Variants in CPQ observed in about 807,000 individuals in gnomAD.
The protein encoded by CPQ is carboxypeptidase Q, also known as Ser-Met dipeptidase.
In CPQ, 37 loss-of-function variants were observed where a neutral mutation model predicts 45.7. The ratio of observed to expected loss-of-function variants is 0.81; its 90% CI spans 0.62 to 1.07. The LOEUF is 1.07. Among genes scored for constraint, CPQ ranks in the 50% least tolerant of loss-of-function variants. The probability of loss-of-function intolerance (pLI) is 0.00; values close to 1 mark genes in which losing one functional copy is unlikely to be tolerated. For missense variants in CPQ, 537 were observed against 572.9 expected (o/e 0.94, Z 0.64); for synonymous variants, 186 against 205.8 (o/e 0.90, Z 0.82).
intron 7 of CPQ, among the ~76,000 whole-genome samples, chr8:97,139,223 C>A (rs1812114401): frequency 6.6e-6 from 1 of 151,866 alleles, no homozygotes; most frequent in Non-Finnish European, 1.5e-5. Flanking sequence ...ATTTGTATAC[C>A]CCTAACAGCA....
chr8:96,904,989 C>T (rs182627759), intron 4 of CPQ, among the ~76,000 whole-genome samples: 1 of 152,080 alleles, frequency 6.6e-6, no homozygotes, highest in East Asian at 1.9e-4. Flanking sequence ...AGACAGTAGC[C>T]CTGTATTAGT....
At chr8:97,023,788 C>G (rs1369805810) in intron 5 of CPQ, among the ~76,000 whole-genome samples, 3 of 152,200 alleles carry the variant, frequency 2.0e-5, no homozygotes, top group Non-Finnish European at 4.4e-5. Flanking sequence ...CTATTATCTC[C>G]TCTTGAGATC....
At chr8:96,794,086 C>G (rs968517467) in intron 2 of CPQ, among the ~76,000 whole-genome samples, 2 of 152,200 alleles carry the variant, frequency 1.3e-5, no homozygotes, top group Non-Finnish European at 2.9e-5. Flanking sequence ...CCTCTTCTCA[C>G]AGCTCCACTA....
chr8:97,132,361 C>CCAAA (rs1342654105), intron 7 of CPQ, among the ~76,000 whole-genome samples: 2 of 152,184 alleles, frequency 1.3e-5, no homozygotes, highest in Admixed American at 1.3e-4. Flanking sequence ...AGCACTCCTG[C>CCAAA]CAAACAGTCC....
intron 7 of CPQ, among the ~76,000 whole-genome samples, chr8:97,140,436 C>T (rs1812139846): frequency 6.6e-6 from 1 of 151,728 alleles, no homozygotes; most frequent in African/African-American, 2.4e-5. Flanking sequence ...GAGCCACAAA[C>T]AGAAAATGTA....
intron 2 of CPQ, among the ~76,000 whole-genome samples, chr8:96,791,937 C>G (rs1810851516): frequency 6.6e-6 from 1 of 152,170 alleles, no homozygotes. Flanking sequence ...TTATGAGACT[C>G]CATAAGGGAT....
At chr8:96,827,212 A>T (rs1811391647) in intron 2 of CPQ, among the ~76,000 whole-genome samples, 1 of 152,052 alleles carries the variant, frequency 6.6e-6, no homozygotes, top group Non-Finnish European at 1.5e-5. Context: ...CATATGTCAT[A>T]GGTCTGTTTT....
Position 96,784,857 on chromosome 8 carries a change from T to A in CPQ, c.-34-7T>A. 6.5e-7 allele frequency: 1 copy of A among 1,539,482 alleles called. No individual in the cohort carries two copies. Among genetic ancestry groups the A allele is most frequent in the South Asian group, 1.2e-5 (1 of 81,084 alleles). ...CCCCTAAAACATAATGTTTCTTATT[T>A]ATGTAGATTATCTTAACAAGAAAAC... On this transcript the variant is annotated splice_polypyrimidine_tract_variant and splice_region_variant and intron_variant, in intron 1 of 7. Transcript: ENST00000220763.
chr8:97,065,115 T>C (rs569212688), intron 6 of CPQ, among the ~76,000 whole-genome samples: 1 of 152,148 alleles, frequency 6.6e-6, no homozygotes, highest in Admixed American at 6.5e-5. Flanking sequence ...TGTCCAAGGA[T>C]AGCTTGGGAA....
chr8:96,681,759 G>A (rs910854393), intron 1 of CPQ, among the ~76,000 whole-genome samples: 1 of 152,182 alleles, frequency 6.6e-6, no homozygotes, highest in Non-Finnish European at 1.5e-5. Context: ...CAGCCAGGAG[G>A]GGGGCTATAC....
At chr8:97,122,831 G>A (rs1487322804) in intron 7 of CPQ, among the ~76,000 whole-genome samples, 1 of 147,742 alleles carries the variant, frequency 6.8e-6, no homozygotes, top group Non-Finnish European at 1.5e-5. Context: ...GTTTCAGTGA[G>A]CCAATATCAC....
At chr8:97,103,454 CT>C (rs576463388) in intron 7 of CPQ, among the ~76,000 whole-genome samples, 80 of 152,280 alleles carry the variant, frequency 5.3e-4, no homozygotes, top group Middle Eastern at 3.4e-3. Flanking sequence ...CCCATCTATC[CT>C]TCCACTCCTG....
chr8:96,956,858 G>A (rs536606199), intron 4 of CPQ, among the ~76,000 whole-genome samples: 3 of 152,144 alleles, frequency 2.0e-5, no homozygotes, highest in African/African-American at 4.8e-5. Flanking sequence ...TGCGATGACC[G>A]GGCTAATACT....
intron 6 of CPQ, among the ~76,000 whole-genome samples, chr8:97,054,490 G>C (rs537121025): frequency 3.9e-5 from 6 of 152,246 alleles, no homozygotes; most frequent in African/African-American, 9.6e-5. Flanking sequence ...ATCACAGCAT[G>C]GTTCACAATT....
chr8:96,931,823 G>A lies in CPQ; in HGVS notation c.850-34112G>A, dbSNP rs567385099. Among the ~76,000 whole-genome samples the A allele has an allele frequency of 4.1e-4, 62 of 152,258 alleles. 1 individual carries two copies. Among genetic ancestry groups the A allele is most frequent in the African/African-American group, 1.5e-3 (62 of 41,542 alleles). On this transcript the variant is annotated intron_variant, in intron 4 of 7. Coordinates refer to ENST00000220763, the MANE Select transcript of CPQ (RefSeq NM_016134.4). Reference sequence around the variant, plus strand: ...TCATTTGGTAGGGCTGGGAAAAGAGGCATCAGATAGCATCTTGATATGGTG... The same window carrying A: ...TCATTTGGTAGGGCTGGGAAAAGAGACATCAGATAGCATCTTGATATGGTG...
chr8:97,094,414 T>A (rs1811177786), intron 7 of CPQ, among the ~76,000 whole-genome samples: 1 of 152,126 alleles, frequency 6.6e-6, no homozygotes, highest in Admixed American at 6.5e-5. Context: ...TCTGGACATC[T>A]TAGATCAATT....
At position 96,966,036 on chromosome 8, in the gene CPQ, T is replaced by G. The variant is rs1372279296; in HGVS notation, c.951T>G (p.Ile317Met). The G allele has an allele frequency of 1.9e-6, 3 of 1,610,100 alleles. No individual in the cohort carries two copies. Among genetic ancestry groups the G allele is most frequent in the Admixed American group, 1.7e-5 (1 of 59,522 alleles). ...TATCATGGGAAGCACTCTCACTTAT[T>G]AAAGATCTTGGTAAATATTTAGAAA... ...AFISWEALSL[I>M]KDLGLRPKRT... The change falls in exon 5 of 8, where the codon ATT becomes ATG. Residue 317 changes from isoleucine to methionine, a missense_variant. Coordinates refer to ENST00000220763, the MANE Select transcript of CPQ (RefSeq NM_016134.4).
intron 5 of CPQ, among the ~76,000 whole-genome samples, chr8:97,022,430 A>C (rs964840168): frequency 6.6e-6 from 1 of 152,260 alleles, no homozygotes; most frequent in Admixed American, 6.5e-5. Flanking sequence ...AGGAACAGTC[A>C]GCAGAGTTAA....
chr8:96,653,317 T>G (rs969898685), intron 1 of CPQ, among the ~76,000 whole-genome samples: 8 of 152,110 alleles, frequency 5.3e-5, no homozygotes, highest in African/African-American at 1.7e-4. Context: ...TCTTTGATAA[T>G]TAATGATGTT....
Sources: allele counts gnomAD v4.1 joint callset (sites outside exome capture counted in the v4.1 genomes callset), GRCh38; gene constraint gnomAD v4.1.1; transcripts MANE v1.5; gene names NCBI Gene and HGNC (gene_info 2026-07-23, HGNC 2026-07-21).